The following MYO5B variants were observed in gnomAD, a reference collection of about 807,000 sequenced individuals.
The protein encoded by MYO5B is myosin VB.
A neutral mutation model predicts 229.3 loss-of-function variants in MYO5B; 143 were observed. The observed-to-expected ratio is 0.62, with a 90% CI of 0.54 to 0.72. The LOEUF is 0.72. Ranked by LOEUF, MYO5B falls within the 30% of genes least tolerant of loss-of-function variation. The pLI is 0.00. For synonymous variants in MYO5B, 918 were observed against 885.2 expected (o/e 1.04, Z -0.66); for missense variants, 2,321 against 2,331.0 (o/e 1.00, Z 0.09).
At chr18:49,937,800 T>A (rs2025267888) in intron 14 of MYO5B, among the ~76,000 whole-genome samples, 1 of 151,518 alleles carries the variant, frequency 6.6e-6, no homozygotes, top group Non-Finnish European at 1.5e-5. Context: ...AGGTTATTGG[T>A]TGCTAGGGGT....
Position 49,962,925 on chromosome 18 carries a change from CCCAGGT to C in MYO5B, c.1404+18_1404+23del, listed in dbSNP as rs1188842528. On this transcript the variant is annotated intron_variant, in intron 11 of 39. Coordinates refer to ENST00000285039, the MANE Select transcript of MYO5B (RefSeq NM_001080467.3). The stretch of plus-strand genomic sequence containing the variant: ...GAGGAGTCCCCCCAATCCTGGTACC[CCCAGGT>C]CTAGAAACCAAGCCTACCGAGTTGA... 1 of 1,601,158 alleles carries C rather than the reference CCCAGGT, an allele frequency of 6.2e-7. No individual in the cohort carries two copies. The highest frequency in any genetic ancestry group is 1.3e-5 in the African/African-American group (1 of 74,656).
chr18:50,107,833 C>T (rs963079480), intron 1 of MYO5B, among the ~76,000 whole-genome samples: 12 of 152,100 alleles, frequency 7.9e-5, no homozygotes, highest in Non-Finnish European at 1.3e-4. Context: ...ATAACCATGC[C>T]CCCAAGAAGC....
chr18:50,142,181 C>T (rs1299799823), intron 1 of MYO5B, among the ~76,000 whole-genome samples: 2 of 152,202 alleles, frequency 1.3e-5, no homozygotes, highest in African/African-American at 4.8e-5. Context: ...CTGCTTTTGG[C>T]TTCTGCTCCA....
intron 1 of MYO5B, among the ~76,000 whole-genome samples, chr18:50,161,151 C>G (rs372640889): frequency 3.0e-4 from 46 of 152,238 alleles, no homozygotes; most frequent in African/African-American, 1.1e-3. Flanking sequence ...CAGGAGCCCA[C>G]GGCAGGCAGA....
intron 1 of MYO5B, chr18:50,064,546 AGT>A (rs2030772364): frequency 6.6e-6 from 1 of 152,226 alleles, no homozygotes; most frequent in Non-Finnish European, 1.5e-5. Context: ...CACTTAAGAT[AGT>A]TTTCCAGAGC....
Position 49,847,236 on chromosome 18 carries a change from C to G in MYO5B, c.4369G>C (p.Val1457Leu). ...ERKRHELNRQVTVQRKEKDFQ... is the reference protein window; with the variant it reads ...ERKRHELNRQLTVQRKEKDFQ... ...TCCTTCTCTTTCCGCTGGACCGTGA[C>G]CTGCCTGTTGAGCTCATGGCGCTTC... Residue 1457 changes from valine to leucine, a missense_variant, in exon 33 of 40, where the codon GTC (valine) becomes CTC (leucine). Coordinates refer to ENST00000285039, the MANE Select transcript of MYO5B (RefSeq NM_001080467.3). 1 of 1,614,076 alleles carries G rather than the reference C, an allele frequency of 6.2e-7. No individual in the cohort carries two copies. The highest frequency in any genetic ancestry group is 1.1e-5 in the South Asian group (1 of 91,076).
At chr18:49,958,233 T>C (rs1444512058) in intron 12 of MYO5B, among the ~76,000 whole-genome samples, 1 of 152,192 alleles carries the variant, frequency 6.6e-6, no homozygotes, top group African/African-American at 2.4e-5. Context: ...ACTCGGAGAA[T>C]CACTTCTATG....
At chr18:50,153,539 C>A (rs143851511) in intron 1 of MYO5B, among the ~76,000 whole-genome samples, 261 of 152,316 alleles carry the variant, frequency 1.7e-3, no homozygotes, top group Non-Finnish European at 3.0e-3. Context: ...CAGCCTCCGC[C>A]TCCCGGGTTC....
Position 49,954,292 on chromosome 18 carries a change from GC to G in MYO5B, c.1668+20del. The G allele has an allele frequency of 6.2e-7, 1 of 1,613,542 alleles. No homozygotes were observed. On this transcript the variant is annotated intron_variant, in intron 13 of 39. Coordinates refer to ENST00000285039, the MANE Select transcript of MYO5B (RefSeq NM_001080467.3). ...AGAGAGGGGCCAAGGGAATACCCGAGCCAACAGAGAGGAGAGCCACCTTGTC... is the reference window on the plus strand; with the variant it reads ...AGAGAGGGGCCAAGGGAATACCCGAGCAACAGAGAGGAGAGCCACCTTGTC...
At chr18:49,985,869 T>G (rs958950025) in intron 7 of MYO5B, among the ~76,000 whole-genome samples, 4 of 152,186 alleles carry the variant, frequency 2.6e-5, no homozygotes, top group Middle Eastern at 3.2e-3. Flanking sequence ...TCCTTGCAAT[T>G]TGATCTCAAG....
At chr18:49,853,049 ATC>A (rs951705169) in intron 31 of MYO5B, among the ~76,000 whole-genome samples, 1 of 152,190 alleles carries the variant, frequency 6.6e-6, no homozygotes, top group Non-Finnish European at 1.5e-5. Flanking sequence ...AAGAGGTAGA[ATC>A]TCTCTCTCGC....
At chr18:49,896,510 C>T (rs1438729454) in intron 21 of MYO5B, among the ~76,000 whole-genome samples, 4 of 152,196 alleles carry the variant, frequency 2.6e-5, no homozygotes, top group African/African-American at 9.6e-5. Flanking sequence ...CTGGAGTAGC[C>T]ACCCTCTGAC....
intron 4 of MYO5B, among the ~76,000 whole-genome samples, chr18:50,008,084 C>T (rs1052129284): frequency 6.6e-6 from 1 of 152,160 alleles, no homozygotes; most frequent in Non-Finnish European, 1.5e-5. Context: ...TACCATTACA[C>T]TCCTTCCTGT....
chr18:49,935,698 A>T (rs1405762740), intron 16 of MYO5B, among the ~76,000 whole-genome samples: 1 of 152,274 alleles, frequency 6.6e-6, no homozygotes, highest in African/African-American at 2.4e-5. Flanking sequence ...GGTCAGCCAC[A>T]TGAGCATGGA....
chr18:50,149,811 C>A (rs893841817), intron 1 of MYO5B, among the ~76,000 whole-genome samples: 28 of 152,116 alleles, frequency 1.8e-4, no homozygotes, highest in African/African-American at 6.8e-4. Context: ...AAAGCAATGG[C>A]AAGAGCCAAA....
At chr18:49,828,086 T>C (rs1240500410) in intron 39 of MYO5B, among the ~76,000 whole-genome samples, 1 of 152,184 alleles carries the variant, frequency 6.6e-6, no homozygotes, top group Admixed American at 6.5e-5. Context: ...CTACAGGTTC[T>C]GCATCCTGTG....
At chr18:49,909,225 G>T (rs1195041490) in intron 18 of MYO5B, among the ~76,000 whole-genome samples, 1 of 152,186 alleles carries the variant, frequency 6.6e-6, no homozygotes, top group Non-Finnish European at 1.5e-5. Flanking sequence ...GTCCAGATGT[G>T]GCCCAAGAAG....
chr18:49,971,943 G>GA (rs151311104), intron 10 of MYO5B, among the ~76,000 whole-genome samples: 4,380 of 152,214 alleles, frequency 0.029, 214 homozygotes, highest in African/African-American at 0.096. Flanking sequence ...TGAAGATTAA[G>GA]AAAAAAACAA....
intron 30 of MYO5B, among the ~76,000 whole-genome samples, chr18:49,856,334 A>C (rs1323778122): frequency 1.3e-5 from 2 of 152,192 alleles, no homozygotes; most frequent in Non-Finnish European, 1.5e-5. Context: ...GGACCAGCAC[A>C]CATACTGATG....
Sources: gnomAD v4.1 joint callset for allele counts (sites outside exome capture counted in the v4.1 genomes callset) on GRCh38, gnomAD v4.1.1 for gene constraint, MANE v1.5 for transcripts, NCBI Gene and HGNC (gene_info 2026-07-23, HGNC 2026-07-21) for gene names.